HOOK1: variants seen among roughly 807,000 people sequenced by gnomAD.
The protein encoded by HOOK1 is hook microtubule tethering protein 1.
A neutral mutation model predicts 112.8 loss-of-function variants in HOOK1; 60 were observed. That is an observed-to-expected ratio of 0.53 (90% confidence interval 0.43 to 0.66). The LOEUF is 0.66. HOOK1 is among the 30% of genes least tolerant of loss of function. HOOK1 has a pLI of 0.00. For synonymous variants in HOOK1, 294 were observed against 283.8 expected (o/e 1.04, Z -0.36); for missense variants, 770 against 856.0 (o/e 0.90, Z 1.25).
At chr1:59,824,210 A>G (rs533137392) in intron 2 of HOOK1, among the ~76,000 whole-genome samples, 4 of 143,830 alleles carry the variant, frequency 2.8e-5, no homozygotes, top group Non-Finnish European at 6.1e-5. Flanking sequence ...ATATGTTACA[A>G]TTTTTTTTTT....
Position 59,864,632 on chromosome 1 carries a change from TC to T in HOOK1, c.1629del (p.Ser544AlafsTer3). ...CAGCAATTTTTTTTAAATTTTATAG[TC>T]CAGCAAATTAAAGCAGAAGTTGGAA... is the stretch of plus-strand genomic sequence containing the variant. ...EQGSKSEGES[S>X]SKLKQKLEAH... On this transcript the variant is annotated frameshift_variant and splice_region_variant, in exon 17 of 22. Transcript: ENST00000371208. LOFTEE classifies it high-confidence loss of function. The T allele has an allele frequency of 6.5e-7, 1 of 1,539,538 alleles. No individual in the cohort carries two copies. Among genetic ancestry groups the T allele is most frequent in the Non-Finnish European group, 8.9e-7 (1 of 1,119,696 alleles).
chr1:59,843,381 T>A (rs912139199), intron 8 of HOOK1, 51 bp from the exon 9 acceptor site: 1 of 1,371,382 alleles, frequency 7.3e-7, no homozygotes, highest in Non-Finnish European at 1.0e-6. Flanking sequence ...AGAATTTTTA[T>A]TTTTTTGTTT....
intron 2 of HOOK1, among the ~76,000 whole-genome samples, chr1:59,822,354 T>C (rs1275420713): frequency 6.6e-6 from 1 of 152,198 alleles, no homozygotes; most frequent in Non-Finnish European, 1.5e-5. Context: ...GCATAAAATA[T>C]TGGATTTTGA....
At chr1:59,836,842 T>G in intron 6 of HOOK1, 31 bp from the exon 7 acceptor site, 1 of 1,198,264 alleles carries the variant, frequency 8.3e-7, no homozygotes. Context: ...ATCACATTGT[T>G]ATACTTAATT....
At chr1:59,863,209 A>T (rs1378923670) in intron 16 of HOOK1, among the ~76,000 whole-genome samples, 1 of 152,178 alleles carries the variant, frequency 6.6e-6, no homozygotes, top group African/African-American at 2.4e-5. Context: ...TGAGGCCTTC[A>T]TAGTTCTGCT....
intron 2 of HOOK1, 126 bp downstream of exon 2, chr1:59,822,069 T>A: frequency 1.4e-6 from 1 of 732,800 alleles, no homozygotes; most frequent in South Asian, 1.6e-5. Flanking sequence ...TTCAGGAATA[T>A]GGCACCAAGG....
chr1:59,831,850 T>C (rs2098394213), intron 3 of HOOK1, among the ~76,000 whole-genome samples: 1 of 152,222 alleles, frequency 6.6e-6, no homozygotes, highest in Non-Finnish European at 1.5e-5. Context: ...TTTCTAGTTA[T>C]TAGTGACAGG....
At position 59,875,566 on chromosome 1, in the gene HOOK1, T is replaced by TTGAG. The variant is rs546115331; in HGVS notation, c.*2603_*2606dup. ...TACACATCTGTGTTATAAGGGAGGCTTGAGTACATATACCAATGAAGAGAT... is the reference window on the plus strand; with the variant it reads ...TACACATCTGTGTTATAAGGGAGGCTTGAGTGAGTACATATACCAATGAAGAGAT... On this transcript the variant is annotated 3_prime_UTR_variant, in exon 22 of 22. Transcript: ENST00000371208. 5.0e-4 allele frequency: 77 copies of TTGAG among 152,650 alleles called. No individual in the cohort carries two copies. The highest frequency in any genetic ancestry group is 1.8e-3 in the African/African-American group (75 of 41,578). The allele number at this position is 152,650 out of a possible 1,614,324, so 9.5% of individuals were successfully genotyped here. A position where few individuals can be genotyped will look rare whatever the true frequency, so the allele number is the denominator to read the frequency against.
intron 4 of HOOK1, among the ~76,000 whole-genome samples, chr1:59,833,151 C>T (rs555279406): frequency 6.6e-6 from 1 of 152,172 alleles, no homozygotes; most frequent in East Asian, 1.9e-4. Context: ...AAGTTAAATT[C>T]TTCTCTCTGA....
intron 2 of HOOK1, among the ~76,000 whole-genome samples, chr1:59,828,530 C>T (rs928176541): frequency 1.3e-5 from 2 of 152,060 alleles, no homozygotes; most frequent in African/African-American, 4.8e-5. Flanking sequence ...TACCTCTTCA[C>T]GGTTGTGACT....
At chr1:59,848,147 C>T (rs1559054031) in intron 10 of HOOK1, among the ~76,000 whole-genome samples, 168 bp from the exon 11 acceptor site, 1 of 151,646 alleles carries the variant, frequency 6.6e-6, no homozygotes, top group Non-Finnish European at 1.5e-5. Flanking sequence ...AGGCTAGAGT[C>T]TGTTTCCAAA....
chr1:59,840,285 A>T, intron 7 of HOOK1, 23 bp from the exon 8 acceptor site: 1 of 1,529,332 alleles, frequency 6.5e-7, no homozygotes, highest in Non-Finnish European at 8.8e-7. Flanking sequence ...ATTTACTAAG[A>T]TTTAGGACAT....
chr1:59,829,893 A>T (rs1038192160), intron 3 of HOOK1, among the ~76,000 whole-genome samples: 1 of 152,046 alleles, frequency 6.6e-6, no homozygotes, highest in Non-Finnish European at 1.5e-5. Flanking sequence ...ATATTTTGAC[A>T]GACTGTTACT....
chr1:59,830,900 G>GT (rs748434935), intron 3 of HOOK1, among the ~76,000 whole-genome samples: 2,074 of 137,740 alleles, frequency 0.015, 13 homozygotes, highest in Non-Finnish European at 0.019. Flanking sequence ...TTTTTTTTAA[G>GT]TTTTTTTTTT....
intron 9 of HOOK1, among the ~76,000 whole-genome samples, chr1:59,846,708 T>C (rs997295065): frequency 6.6e-6 from 1 of 151,168 alleles, no homozygotes; most frequent in African/African-American, 2.4e-5. Flanking sequence ...CTTGTCTTTT[T>C]GTTATTGTTT....
intron 12 of HOOK1, among the ~76,000 whole-genome samples, chr1:59,853,877 T>TG (rs1439520424): frequency 7.3e-5 from 11 of 150,750 alleles, no homozygotes; most frequent in African/African-American, 2.7e-4. Flanking sequence ...TCCTCCCCTC[T>TG]GCTTTATGCT....
chr1:59,844,727 A>G (rs2098402754), intron 9 of HOOK1, among the ~76,000 whole-genome samples: 1 of 151,908 alleles, frequency 6.6e-6, no homozygotes, highest in Non-Finnish European at 1.5e-5. Flanking sequence ...TTAAATATTT[A>G]ATTTCACTCG....
chr1:59,851,138 A>G (rs2102049188), intron 12 of HOOK1, among the ~76,000 whole-genome samples: 1 of 151,606 alleles, frequency 6.6e-6, no homozygotes, highest in East Asian at 1.9e-4. Context: ...TTCTTCTTCA[A>G]GGCTGTTTTT....
chr1:59,862,749 A>AC, intron 15 of HOOK1, 35 bp from the exon 16 acceptor site: 1 of 1,298,998 alleles, frequency 7.7e-7, no homozygotes, highest in Middle Eastern at 1.9e-4. Context: ...TTGACTTTCA[A>AC]TACAAGTAAA....
Sources: allele counts gnomAD v4.1 joint callset (sites outside exome capture counted in the v4.1 genomes callset), GRCh38; gene constraint gnomAD v4.1.1; transcripts MANE v1.5; gene names NCBI Gene and HGNC (gene_info 2026-07-23, HGNC 2026-07-21).